The following NELL2 variants were observed in gnomAD, a reference collection of about 807,000 sequenced individuals.
The protein encoded by NELL2 is protein kinase C-binding protein NELL2.
A neutral mutation model predicts 109.6 loss-of-function variants in NELL2; 41 were observed. The ratio of observed to expected loss-of-function variants is 0.37; its 90% CI spans 0.29 to 0.49. NELL2 has a LOEUF of 0.49. Ranked by LOEUF, NELL2 falls within the 20% of genes least tolerant of loss-of-function variation. The pLI, the probability that NELL2 is intolerant of heterozygous loss-of-function variation, is 0.98. For synonymous variants in NELL2, 355 were observed against 344.7 expected (o/e 1.03, Z -0.33); for missense variants, 900 against 1,008.3 (o/e 0.89, Z 1.45).
At chr12:44,543,738 C>G (rs1449075351) in intron 15 of NELL2, among the ~76,000 whole-genome samples, 1 of 152,110 alleles carries the variant, frequency 6.6e-6, no homozygotes, top group Non-Finnish European at 1.5e-5. Flanking sequence ...GTCAGTGATT[C>G]TAAGAGCTCT....
chr12:44,639,124 G>A (rs1424273571), intron 13 of NELL2, among the ~76,000 whole-genome samples: 1 of 152,032 alleles, frequency 6.6e-6, no homozygotes, highest in African/African-American at 2.4e-5. Flanking sequence ...ATGCTGAATA[G>A]CCATGTTTCC....
intron 15 of NELL2, among the ~76,000 whole-genome samples, chr12:44,555,869 T>C (rs1277183637): frequency 6.6e-6 from 1 of 152,106 alleles, no homozygotes; most frequent in African/African-American, 2.4e-5. Flanking sequence ...CAGTGGGGGA[T>C]TGATTAAAGA....
rs1325309118 is a variant in NELL2, at chr12:44,777,298, A to C, written c.623T>G (p.Val208Gly). The change falls in exon 6 of 20, where the codon GTC becomes GGC. Residue 208 changes from valine to glycine, a missense_variant. Physicochemically the swap from Val to Gly is moderately radical, Grantham distance 109 (BLOSUM62 -3). This residue lies in a region of NELL2 where 75 missense variants were observed against 118.9 expected (regional missense o/e 0.63). Transcript: ENST00000429094. ...TCCCTGGGGCATGACAAGTAATTGG[A>C]CATCTTGCATTATACCCTGTGTGTG... ...HGYFKGIMQD[V>G]QLLVMPQGFI... 6.2e-7 allele frequency: 1 copy of C among 1,613,626 alleles called. No individual in the cohort carries two copies. Among genetic ancestry groups the C allele is most frequent in the South Asian group, 1.1e-5 (1 of 91,068 alleles).
At chr12:44,884,013 T>G (rs1485370785) in intron 1 of NELL2, among the ~76,000 whole-genome samples, 2 of 151,846 alleles carry the variant, frequency 1.3e-5, no homozygotes, top group Non-Finnish European at 2.9e-5. Context: ...TCATAACAAT[T>G]AAAAGACTGA....
At chr12:44,562,032 C>A (rs1021692667) in intron 15 of NELL2, among the ~76,000 whole-genome samples, 2 of 151,944 alleles carry the variant, frequency 1.3e-5, no homozygotes, top group Admixed American at 6.6e-5. Flanking sequence ...TGTCAACATT[C>A]ATTGACAAAC....
intron 15 of NELL2, among the ~76,000 whole-genome samples, chr12:44,558,233 A>G (rs1317385021): frequency 6.6e-6 from 1 of 152,216 alleles, no homozygotes; most frequent in Non-Finnish European, 1.5e-5. Context: ...AAAATGGATA[A>G]TCGATTGAGC....
At chr12:44,576,933 T>A (rs1202204800) in intron 15 of NELL2, among the ~76,000 whole-genome samples, 3 of 145,706 alleles carry the variant, frequency 2.1e-5, no homozygotes, top group Non-Finnish European at 4.5e-5. Context: ...ATTTTCTTAA[T>A]CCAGTCTATC....
At chr12:44,596,058 A>G (rs1944952869) in intron 15 of NELL2, among the ~76,000 whole-genome samples, 1 of 152,138 alleles carries the variant, frequency 6.6e-6, no homozygotes, top group Non-Finnish European at 1.5e-5. Flanking sequence ...AGTCACTTAA[A>G]AGGTATTAGT....
intron 9 of NELL2, among the ~76,000 whole-genome samples, chr12:44,735,280 T>C (rs914455701): frequency 1.8e-4 from 27 of 152,186 alleles, no homozygotes; most frequent in African/African-American, 6.5e-4. Context: ...TTTGTTTCCT[T>C]GGATGCCTAG....
chr12:44,819,405 C>A (rs963051371), intron 2 of NELL2, among the ~76,000 whole-genome samples: 2 of 152,218 alleles, frequency 1.3e-5, no homozygotes, highest in Non-Finnish European at 1.5e-5. Flanking sequence ...CCTAAACTAC[C>A]TTTCCCAAAT....
chr12:44,698,908 A>C (rs1394068033), intron 12 of NELL2, among the ~76,000 whole-genome samples: 1 of 152,204 alleles, frequency 6.6e-6, no homozygotes, highest in Middle Eastern at 3.2e-3. Context: ...TTGGACTGAC[A>C]CAGCTGTCAT....
At chr12:44,721,845 T>C (rs981583532) in intron 9 of NELL2, among the ~76,000 whole-genome samples, 27 of 152,150 alleles carry the variant, frequency 1.8e-4, no homozygotes, top group African/African-American at 6.3e-4. Context: ...GAGGTAACTA[T>C]TGAGGTGCAG....
chr12:44,631,613 C>T (rs7305652), intron 13 of NELL2, among the ~76,000 whole-genome samples: 12,125 of 152,116 alleles, frequency 0.08, 575 homozygotes, highest in Non-Finnish European at 0.1. Flanking sequence ...GTATCAATCA[C>T]ACCCCAAACC....
At chr12:44,723,943 A>G (rs1938928625) in intron 9 of NELL2, among the ~76,000 whole-genome samples, 1 of 152,104 alleles carries the variant, frequency 6.6e-6, no homozygotes, top group Admixed American at 6.6e-5. Context: ...ATGCACCTGA[A>G]TGTTCACTGC....
chr12:44,875,412 C>A (rs1170798329), intron 1 of NELL2, 59 bp from the exon 2 acceptor site: 1 of 1,613,990 alleles, frequency 6.2e-7, no homozygotes, highest in South Asian at 1.1e-5. Flanking sequence ...AAATGCAAGT[C>A]TCTTCCTCCA....
At chr12:44,655,619 C>A (rs117534315) in intron 13 of NELL2, among the ~76,000 whole-genome samples, 1 of 152,248 alleles carries the variant, frequency 6.6e-6, no homozygotes, top group Non-Finnish European at 1.5e-5. Flanking sequence ...CTAAATGTGG[C>A]CTGAAGTTTT....
At chr12:44,715,922 A>G (rs1938461619) in intron 9 of NELL2, among the ~76,000 whole-genome samples, 1 of 152,112 alleles carries the variant, frequency 6.6e-6, no homozygotes, top group Non-Finnish European at 1.5e-5. Context: ...TGCCAATAAT[A>G]AAGAAGGAAG....
intron 19 of NELL2, among the ~76,000 whole-genome samples, chr12:44,511,156 A>G (rs1398786586): frequency 6.6e-6 from 1 of 152,180 alleles, no homozygotes; most frequent in African/African-American, 2.4e-5. Flanking sequence ...TGCTTATTCC[A>G]TATTGGATAT....
At chr12:44,806,114 TA>T (rs11325862) in intron 3 of NELL2, among the ~76,000 whole-genome samples, 63,633 of 151,202 alleles carry the variant, frequency 0.42, 14,551 homozygotes, top group Non-Finnish European at 0.51. Flanking sequence ...ATTTAGTACA[TA>T]AAAAAACCAT....
Sources: gnomAD v4.1 joint callset for allele counts (sites outside exome capture counted in the v4.1 genomes callset) on GRCh38, gnomAD v4.1.1 for gene constraint, gnomAD v4.1.1 regional missense constraint, MANE v1.5 for transcripts, NCBI Gene and HGNC (gene_info 2026-07-23, HGNC 2026-07-21) for gene names.